ADGRB3: variants seen among roughly 807,000 people sequenced by gnomAD.
ADGRB3 encodes brain-specific angiogenesis inhibitor 3.
ADGRB3 carries 37 observed loss-of-function variants against 193.4 expected under a neutral mutation model. The ratio of observed to expected loss-of-function variants is 0.19; its 90% CI spans 0.15 to 0.25. The LOEUF (loss-of-function observed/expected upper bound fraction) is 0.25, where lower values mean the gene tolerates loss of function less well. ADGRB3 is among the 10% of genes least tolerant of loss of function. The pLI is 1.00. For missense variants in ADGRB3, 1,637 were observed against 1,852.9 expected (o/e 0.88, Z 2.14); for synonymous variants, 690 against 644.2 (o/e 1.07, Z -1.08).
At chr6:68,758,444 A>G (rs1033084370) in intron 3 of ADGRB3, among the ~76,000 whole-genome samples, 3 of 152,140 alleles carry the variant, frequency 2.0e-5, no homozygotes, top group African/African-American at 7.2e-5. Flanking sequence ...CAATTCTAAC[A>G]AACACAGTAT....
chr6:68,933,629 A>C (rs10214814), intron 4 of ADGRB3, among the ~76,000 whole-genome samples: 1,561 of 152,306 alleles, frequency 0.01, 42 homozygotes, highest in African/African-American at 0.036. Context: ...TAAAATTAAA[A>C]GTACATTTCT....
chr6:69,010,628 C>T (rs1025915677), intron 11 of ADGRB3, among the ~76,000 whole-genome samples: 1 of 151,828 alleles, frequency 6.6e-6, no homozygotes, highest in African/African-American at 2.4e-5. Context: ...CATAGGTGGG[C>T]AACATCTGCC....
chr6:69,259,695 CAA>C (rs397887907), intron 20 of ADGRB3, among the ~76,000 whole-genome samples: 119 of 76,150 alleles, frequency 1.6e-3, no homozygotes, highest in Middle Eastern at 5.9e-3. Context: ...GACTCTGTCT[CAA>C]AAAAAAAAAA....
At chr6:69,186,539 C>T (rs1270817252) in intron 17 of ADGRB3, among the ~76,000 whole-genome samples, 1 of 151,246 alleles carries the variant, frequency 6.6e-6, no homozygotes, top group South Asian at 2.1e-4. Flanking sequence ...CCCCCAAGTA[C>T]CTGAAAAAAG....
chr6:69,019,026 C>T (rs1288656599), intron 13 of ADGRB3, among the ~76,000 whole-genome samples: 1 of 152,000 alleles, frequency 6.6e-6, no homozygotes, highest in Non-Finnish European at 1.5e-5. Context: ...TGCAGTTTTT[C>T]TGAATATGTT....
In ADGRB3 at chr6:69,173,068, C is replaced by T. The variant is rs2150348669; in HGVS notation, c.2481-60222C>T. On this transcript the variant is annotated intron_variant, in intron 17 of 31. Transcript: ENST00000370598. ...TTGTTTTTGTTTTGAGACGAAGTCT[C>T]ACTCTGTCGCCCAGGCTAGAGTACA... Among the ~76,000 whole-genome samples the T allele has an allele frequency of 2.0e-5, 3 of 152,236 alleles. No homozygotes were observed. The Middle Eastern group carries it at 0.01, about 518-fold the overall frequency.
chr6:69,097,857 GAA>G (rs1206521206), intron 17 of ADGRB3, among the ~76,000 whole-genome samples: 2 of 151,936 alleles, frequency 1.3e-5, no homozygotes, highest in Non-Finnish European at 2.9e-5. Flanking sequence ...GAGACACAAG[GAA>G]AATGGTACAG....
intron 17 of ADGRB3, among the ~76,000 whole-genome samples, chr6:69,220,716 C>A (rs777402879): frequency 6.6e-6 from 1 of 152,052 alleles, no homozygotes; most frequent in Non-Finnish European, 1.5e-5. Flanking sequence ...GAGGGTTCAG[C>A]GCTGCCCTTC....
chr6:68,786,576 T>C (rs1255603143), intron 3 of ADGRB3, among the ~76,000 whole-genome samples: 5 of 151,894 alleles, frequency 3.3e-5, no homozygotes, highest in Non-Finnish European at 7.4e-5. Context: ...ATAGTTTGAA[T>C]TCAGGTAGCA....
chr6:69,330,205 G>A (rs1768684847), intron 22 of ADGRB3, among the ~76,000 whole-genome samples: 1 of 152,110 alleles, frequency 6.6e-6, no homozygotes, highest in East Asian at 1.9e-4. Context: ...ACTCAACTTT[G>A]TAATGACAGT....
At chr6:68,799,307 G>A (rs529995997) in intron 3 of ADGRB3, among the ~76,000 whole-genome samples, 98 of 152,152 alleles carry the variant, frequency 6.4e-4, no homozygotes, top group Non-Finnish European at 4.1e-4. Flanking sequence ...CATTGGATTT[G>A]AGTAGTGAGA....
At chr6:69,339,969 A>G (rs1389161496) in intron 26 of ADGRB3, among the ~76,000 whole-genome samples, 2 of 152,226 alleles carry the variant, frequency 1.3e-5, no homozygotes, top group East Asian at 1.9e-4. Context: ...AGCAGAAAGC[A>G]TTGAAGATGA....
intron 11 of ADGRB3, among the ~76,000 whole-genome samples, chr6:68,997,608 ACAC>A (rs1245789479): frequency 1.3e-5 from 2 of 151,470 alleles, no homozygotes; most frequent in Non-Finnish European, 2.9e-5. Context: ...AGCTGAGATC[ACAC>A]CACTGCACTC....
chr6:68,950,439 G>A (rs1333764532), intron 6 of ADGRB3, among the ~76,000 whole-genome samples: 2 of 151,952 alleles, frequency 1.3e-5, no homozygotes, highest in African/African-American at 2.4e-5. Flanking sequence ...AAGAAGTTAG[G>A]TATTACATTT....
At chr6:68,680,185 T>C (rs1764862605) in intron 3 of ADGRB3, among the ~76,000 whole-genome samples, 1 of 151,826 alleles carries the variant, frequency 6.6e-6, no homozygotes, top group South Asian at 2.1e-4. Flanking sequence ...AACAACCCAG[T>C]GTGTGATATT....
intron 15 of ADGRB3, among the ~76,000 whole-genome samples, chr6:69,061,594 C>T (rs373218591): frequency 2.9e-4 from 44 of 151,804 alleles, no homozygotes; most frequent in Non-Finnish European, 5.5e-4. Context: ...TTTATAATAG[C>T]CAAATATCAT....
intron 11 of ADGRB3, among the ~76,000 whole-genome samples, chr6:68,999,244 A>G (rs920429161): frequency 6.6e-6 from 1 of 151,054 alleles, no homozygotes. Context: ...CATTAAAGCC[A>G]TGTGGTATAG....
At chr6:69,100,940 AGGAAGGAAAGGAGGGAG>A (rs1773033017) in intron 17 of ADGRB3, among the ~76,000 whole-genome samples, 2 of 4,324 alleles carry the variant, frequency 4.6e-4, no homozygotes, top group Non-Finnish European at 1.2e-3. Context: ...GAGGGAGGGA[AGGAAGGAAAGGAGGGAG>A]GGAGGGAGAA....
At chr6:69,220,011 G>T (rs1765859347) in intron 17 of ADGRB3, among the ~76,000 whole-genome samples, 1 of 151,860 alleles carries the variant, frequency 6.6e-6, no homozygotes, top group African/African-American at 2.4e-5. Flanking sequence ...TTTTTAAGAT[G>T]CTTGAAGCTT....
Sources: gnomAD v4.1 joint callset for allele counts (sites outside exome capture counted in the v4.1 genomes callset) on GRCh38, gnomAD v4.1.1 for gene constraint, MANE v1.5 for transcripts, NCBI Gene and HGNC (gene_info 2026-07-23, HGNC 2026-07-21) for gene names.